The following RGS7 variants were observed in gnomAD, a reference collection of about 807,000 sequenced individuals.
RGS7 encodes regulator of G protein signaling 7.
A neutral mutation model predicts 81.1 loss-of-function variants in RGS7; 27 were observed. The ratio of observed to expected loss-of-function variants is 0.33; its 90% CI spans 0.25 to 0.46. The LOEUF is 0.46. Among genes scored for constraint, RGS7 ranks in the 20% least tolerant of loss-of-function variants. The pLI is 1.00. For synonymous variants in RGS7, 208 were observed against 207.7 expected (o/e 1.00, Z -0.01); for missense variants, 396 against 607.4 (o/e 0.65, Z 3.66).
chr1:240,953,194 T>C (rs965732814), intron 4 of RGS7, among the ~76,000 whole-genome samples: 7 of 151,870 alleles, frequency 4.6e-5, no homozygotes, highest in African/African-American at 1.4e-4. Flanking sequence ...AGTCAGAATA[T>C]AGTTGACCTG....
chr1:241,020,306 C>T (rs1435285534), intron 3 of RGS7, among the ~76,000 whole-genome samples: 2 of 152,146 alleles, frequency 1.3e-5, no homozygotes, highest in African/African-American at 4.8e-5. Flanking sequence ...AGTTTATTCT[C>T]TCAGAATTCT....
chr1:240,896,591 T>G (rs543416944), intron 6 of RGS7, among the ~76,000 whole-genome samples: 1 of 152,296 alleles, frequency 6.6e-6, no homozygotes, highest in South Asian at 2.1e-4. Flanking sequence ...ATCAGATGGT[T>G]GTAGATGTGT....
chr1:241,131,169 C>T (rs1443810443), intron 2 of RGS7, among the ~76,000 whole-genome samples: 1 of 151,924 alleles, frequency 6.6e-6, no homozygotes, highest in African/African-American at 2.4e-5. Context: ...AATACCTTTC[C>T]AGTGTCATGC....
At chr1:240,784,194 A>AAAC (rs908479902) in intron 18 of RGS7, among the ~76,000 whole-genome samples, 7 of 151,736 alleles carry the variant, frequency 4.6e-5, no homozygotes, top group Non-Finnish European at 7.4e-5. Flanking sequence ...TCTCGAAAAA[A>AAAC]AAACAAAAAA....
intron 3 of RGS7, among the ~76,000 whole-genome samples, chr1:241,023,543 C>A (rs888845560): frequency 4.6e-5 from 7 of 152,206 alleles, no homozygotes; most frequent in African/African-American, 7.2e-5. Context: ...TGGGATCACG[C>A]CAATTGGCAA....
chr1:240,903,518 A>G (rs1670348125), intron 6 of RGS7, among the ~76,000 whole-genome samples: 1 of 151,922 alleles, frequency 6.6e-6, no homozygotes, highest in African/African-American at 2.4e-5. Context: ...TTATATATTA[A>G]AAATAAATAA....
intron 17 of RGS7, among the ~76,000 whole-genome samples, 161 bp downstream of exon 17, chr1:240,801,294 C>A (rs1687983828): frequency 1.3e-5 from 2 of 151,788 alleles, no homozygotes; most frequent in Non-Finnish European, 2.9e-5. Flanking sequence ...AGGGATGGGA[C>A]AGAAAGATAA....
At chr1:241,029,370 C>T (rs1434691825) in intron 3 of RGS7, among the ~76,000 whole-genome samples, 1 of 152,078 alleles carries the variant, frequency 6.6e-6, no homozygotes, top group Admixed American at 6.6e-5. Flanking sequence ...CATAACCCCT[C>T]GAAATCTAGC....
At chr1:240,944,082 C>T (rs888459767) in intron 4 of RGS7, among the ~76,000 whole-genome samples, 1 of 151,692 alleles carries the variant, frequency 6.6e-6, no homozygotes, top group Non-Finnish European at 1.5e-5. Context: ...ACATCTTAGG[C>T]ATTCTGCATA....
intron 4 of RGS7, among the ~76,000 whole-genome samples, chr1:240,944,117 A>G (rs1191573157): frequency 6.6e-6 from 1 of 151,604 alleles, no homozygotes; most frequent in Admixed American, 6.6e-5. Context: ...CTGAAATTTG[A>G]AAAAATGATC....
intron 3 of RGS7, among the ~76,000 whole-genome samples, chr1:241,040,396 A>AT (rs1300615116): frequency 6.6e-6 from 1 of 152,080 alleles, no homozygotes; most frequent in African/African-American, 2.4e-5. Context: ...GCTAAACGTC[A>AT]TTTTTTCCAA....
chr1:240,943,781 A>C (rs1481927206), intron 4 of RGS7, among the ~76,000 whole-genome samples: 1 of 152,156 alleles, frequency 6.6e-6, no homozygotes. Context: ...ACAAAACCAT[A>C]CTGTGAATAC....
intron 2 of RGS7, among the ~76,000 whole-genome samples, chr1:241,182,944 CTT>C (rs67489117): frequency 2.8e-5 from 4 of 145,298 alleles, no homozygotes; most frequent in South Asian, 2.2e-4. Context: ...AAACGTTTTT[CTT>C]TTTTTTTTTT....
At chr1:241,226,805 T>C (rs2075334816) in intron 2 of RGS7, among the ~76,000 whole-genome samples, 1 of 152,242 alleles carries the variant, frequency 6.6e-6, no homozygotes. Flanking sequence ...CCAAATTCTT[T>C]ATGTTATCAA....
chr1:241,190,946 T>C (rs1234154790), intron 2 of RGS7, among the ~76,000 whole-genome samples: 1 of 152,168 alleles, frequency 6.6e-6, no homozygotes, highest in Non-Finnish European at 1.5e-5. Context: ...GCAGAGGGGA[T>C]AGATGTTCTT....
intron 2 of RGS7, among the ~76,000 whole-genome samples, chr1:241,286,622 G>A (rs1016112748): frequency 2.6e-5 from 4 of 152,094 alleles, no homozygotes; most frequent in Non-Finnish European, 5.9e-5. Flanking sequence ...ATTCAACCTC[G>A]GAACTCCTCC....
intron 2 of RGS7, chr1:241,305,587 T>C (rs1190366682): frequency 1.3e-5 from 2 of 151,776 alleles, no homozygotes; most frequent in Non-Finnish European, 2.9e-5. Flanking sequence ...GCTCAGTCCC[T>C]GGCAGCTGCT....
chr1:241,108,132 G>A (rs912545338), intron 2 of RGS7, among the ~76,000 whole-genome samples: 3 of 151,456 alleles, frequency 2.0e-5, no homozygotes, highest in African/African-American at 7.3e-5. Flanking sequence ...GGTGAAAGCC[G>A]GTCTCTACTA....
chr1:240,862,996 C>G (rs1462937916), intron 9 of RGS7, among the ~76,000 whole-genome samples: 1 of 151,078 alleles, frequency 6.6e-6, no homozygotes, highest in African/African-American at 2.4e-5. Flanking sequence ...ACTCTGCTAC[C>G]TAGGCTGGAG....
Sources: allele counts gnomAD v4.1 joint callset (sites outside exome capture counted in the v4.1 genomes callset), GRCh38; gene constraint gnomAD v4.1.1; transcripts MANE v1.5; gene names NCBI Gene and HGNC (gene_info 2026-07-23, HGNC 2026-07-21).